The following KIAA0232 variants were observed in gnomAD, a reference collection of about 807,000 sequenced individuals.
KIAA0232 encodes KIAA0232.
Under a neutral mutation model 122.0 loss-of-function variants are expected in KIAA0232, and 27 were observed. That is an observed-to-expected ratio of 0.22 (90% CI 0.16 to 0.31). The LOEUF (loss-of-function observed/expected upper bound fraction) is 0.31. Among genes scored for constraint, KIAA0232 ranks in the 10% least tolerant of loss-of-function variants. The probability of loss-of-function intolerance (pLI) is 1.00; values close to 1 mark genes in which losing one functional copy is unlikely to be tolerated. For synonymous variants in KIAA0232, 613 were observed against 587.6 expected, an observed-to-expected ratio of 1.04 and a Z score of -0.63; for missense variants, 1,551 against 1,634.2, an observed-to-expected ratio of 0.95 and a Z score of 0.88.
Position 6,862,337 on chromosome 4 carries a change from A to G in KIAA0232, c.1955A>G (p.Glu652Gly). The change falls in exon 7 of 10, where the codon GAA (glutamate) becomes GGA (glycine). Residue 652 changes from glutamate to glycine, a missense_variant. This residue lies in a region of KIAA0232 where 1,108 missense variants were observed against 1,154.8 expected (regional missense o/e 0.96). Transcript: ENST00000307659. ...SGINSCFSVF[E>G]VQCSNSVLPF... ...ATAAACTCTTGTTTTTCAGTGTTTG[A>G]AGTGCAATGCAGTAATTCTGTTTTA... 1 of 1,614,166 alleles carries G rather than the reference A, an allele frequency of 6.2e-7. No homozygotes were observed. The highest frequency in any genetic ancestry group is 8.5e-7 in the Non-Finnish European group (1 of 1,180,024).
chr4:6,838,268 A>G (rs982206613), intron 3 of KIAA0232, among the ~76,000 whole-genome samples: 1 of 150,326 alleles, frequency 6.7e-6, no homozygotes, highest in Non-Finnish European at 1.5e-5. Flanking sequence ...TGCTCACTGC[A>G]GCCTCCGCCT....
chr4:6,843,640 C>G (rs1386451738), intron 4 of KIAA0232, among the ~76,000 whole-genome samples: 1 of 152,060 alleles, frequency 6.6e-6, no homozygotes, highest in East Asian at 1.9e-4. Context: ...CATGGTGGTG[C>G]ATGCCTGTAA....
rs746331960 is a variant in KIAA0232 at position 6,862,662 on chromosome 4, T to C, written c.2280T>C (p.Asp760=). 3 of 1,611,412 alleles carry C rather than the reference T, an allele frequency of 1.9e-6. No homozygotes were observed. The highest frequency in any genetic ancestry group is 2.5e-6 in the Non-Finnish European group (3 of 1,179,374). ...ATTATGTAGATGAAGAACTTCTAGA[T>C]TTTTTGCAAGATGAAACTTGCCAGC... The part of the protein sequence containing the change: ...SSNYVDEELL[D]FLQDETCQQN... Residue 760 remains aspartate, a synonymous_variant, in exon 7 of 10, where the codon GAT becomes GAC. Transcript: ENST00000307659.
At chr4:6,836,121 C>G (rs1410965092) in intron 3 of KIAA0232, among the ~76,000 whole-genome samples, 1 of 152,202 alleles carries the variant, frequency 6.6e-6, no homozygotes, top group Admixed American at 6.5e-5. Context: ...CACATCTTCT[C>G]CAGCATCTGT....
At chr4:6,802,281 A>G (rs577596691) in intron 1 of KIAA0232, among the ~76,000 whole-genome samples, 3 of 152,152 alleles carry the variant, frequency 2.0e-5, no homozygotes, top group Non-Finnish European at 4.4e-5. Flanking sequence ...AGTCAGGATG[A>G]CTTGCCTGGA....
intron 3 of KIAA0232, among the ~76,000 whole-genome samples, chr4:6,836,331 G>GTTTTTTTTTTTTTTT (rs199902844): frequency 7.0e-6 from 1 of 142,636 alleles, no homozygotes; most frequent in African/African-American, 2.7e-5. Context: ...TTTGTTTTTT[G>GTTTTTTTTTTTTTTT]TTTTGTTTTT....
intron 9 of KIAA0232, among the ~76,000 whole-genome samples, chr4:6,879,815 A>AGG (rs1721960630): frequency 1.5e-4 from 14 of 92,364 alleles, no homozygotes; most frequent in African/African-American, 3.3e-4. Context: ...CAACACACCC[A>AGG]TCTGCAGTGC....
At chr4:6,848,509 C>T (rs1560191249) in intron 4 of KIAA0232, among the ~76,000 whole-genome samples, 1 of 152,156 alleles carries the variant, frequency 6.6e-6, no homozygotes, top group Admixed American at 6.5e-5. Context: ...ATAGCATTTA[C>T]ATTGTATTAG....
chr4:6,798,004 G>A (rs1171515216), intron 1 of KIAA0232, among the ~76,000 whole-genome samples: 1 of 150,736 alleles, frequency 6.6e-6, no homozygotes, highest in Non-Finnish European at 1.5e-5. Flanking sequence ...CTTGCAGTGA[G>A]CTGAGATTAC....
Position 6,862,330 on chromosome 4 carries a change from G to A in KIAA0232, c.1948G>A (p.Val650Met). The change falls in exon 7 of 10, where the codon GTG becomes ATG. Residue 650 changes from valine to methionine, a missense_variant. Physicochemically the swap from Val to Met is conservative, Grantham distance 21. This residue lies in a region of KIAA0232 where 1,108 missense variants were observed against 1,154.8 expected (regional missense o/e 0.96). Coordinates refer to ENST00000307659, the MANE Select transcript of KIAA0232 (RefSeq NM_014743.3). ...ATCTGGTATAAACTCTTGTTTTTCA[G>A]TGTTTGAAGTGCAATGCAGTAATTC... ...EGSGINSCFSVFEVQCSNSVL... is the reference protein window; with the variant it reads ...EGSGINSCFSMFEVQCSNSVL... 4 of 1,614,134 alleles carry A rather than the reference G, an allele frequency of 2.5e-6. No homozygotes were observed. The highest frequency in any genetic ancestry group is 2.5e-6 in the Non-Finnish European group (3 of 1,180,032).
chr4:6,854,780 T>G (rs1419659746), intron 4 of KIAA0232, among the ~76,000 whole-genome samples: 1 of 152,222 alleles, frequency 6.6e-6, no homozygotes, highest in Non-Finnish European at 1.5e-5. Context: ...TTGTGCTTCC[T>G]TAGAGTTGTT....
chr4:6,815,363 G>A (rs939029645), intron 2 of KIAA0232, among the ~76,000 whole-genome samples: 4 of 152,158 alleles, frequency 2.6e-5, no homozygotes, highest in African/African-American at 9.7e-5. Context: ...ACATACCTAG[G>A]AGTCTCCTTT....
intron 4 of KIAA0232, among the ~76,000 whole-genome samples, chr4:6,852,544 A>G (rs1484067961): frequency 1.3e-5 from 2 of 152,218 alleles, no homozygotes; most frequent in South Asian, 2.1e-4. Flanking sequence ...CTTTAAAGCT[A>G]AAGACTAAGA....
intron 1 of KIAA0232, among the ~76,000 whole-genome samples, chr4:6,804,314 C>T (rs1012456292): frequency 2.6e-5 from 4 of 152,182 alleles, no homozygotes; most frequent in Non-Finnish European, 5.9e-5. Context: ...CACTAGTGTG[C>T]CCTACTCTGC....
intron 7 of KIAA0232, among the ~76,000 whole-genome samples, chr4:6,868,922 T>C (rs1029324525): frequency 2.0e-5 from 3 of 152,154 alleles, no homozygotes; most frequent in Non-Finnish European, 4.4e-5. Context: ...TGGTGTGCCC[T>C]TCACAGTGGT....
chr4:6,809,611 T>C (rs1577363585), intron 2 of KIAA0232, among the ~76,000 whole-genome samples: 2 of 147,800 alleles, frequency 1.4e-5, no homozygotes, highest in African/African-American at 5.0e-5. Context: ...ATAAAAGGCA[T>C]CCAAATTAGA....
chr4:6,844,502 C>T lies in KIAA0232; in HGVS notation c.369+2298C>T, dbSNP rs553061362. Among the ~76,000 whole-genome samples, 13 of 152,012 alleles carry T rather than the reference C, an allele frequency of 8.6e-5. No homozygotes were observed. In the East Asian group the frequency reaches 2.3e-3, roughly 27 times the overall value. On this transcript the variant is annotated intron_variant, in intron 4 of 9. Coordinates refer to ENST00000307659, the MANE Select transcript of KIAA0232 (RefSeq NM_014743.3). ...TATTGCCCAGGCTGGAATGCAGTGA[C>T]GCAAACCTGGCTCACTGCAACCTCC...
chr4:6,796,571 C>T (rs1278284172), intron 1 of KIAA0232, among the ~76,000 whole-genome samples: 1 of 152,116 alleles, frequency 6.6e-6, no homozygotes, highest in African/African-American at 2.4e-5. Context: ...GAGTTTCATG[C>T]CACCTGTTTA....
At chr4:6,837,805 C>T (rs891883868) in intron 3 of KIAA0232, among the ~76,000 whole-genome samples, 5 of 151,952 alleles carry the variant, frequency 3.3e-5, no homozygotes, top group East Asian at 3.9e-4. Context: ...TCCCAGGCAC[C>T]GGGCAGGCTG....
Sources: allele counts gnomAD v4.1 joint callset (sites outside exome capture counted in the v4.1 genomes callset), GRCh38; gene constraint gnomAD v4.1.1; regional missense constraint gnomAD v4.1.1; transcripts MANE v1.5; gene names NCBI Gene and HGNC (gene_info 2026-07-23, HGNC 2026-07-21).